TBC1D10B: variants seen among roughly 807,000 people sequenced by gnomAD.
TBC1D10B encodes the protein Rab27A-GAPbeta.
Under a neutral mutation model 78.4 loss-of-function variants are expected in TBC1D10B, and 25 were observed. The observed-to-expected ratio is 0.32, with a 90% CI of 0.23 to 0.45. The LOEUF (loss-of-function observed/expected upper bound fraction) is 0.45, where lower values mean the gene tolerates loss of function less well. TBC1D10B is among the 20% of genes least tolerant of loss of function. The pLI is 1.00. For missense variants in TBC1D10B, 996 were observed against 1,104.8 expected (o/e 0.90, Z 1.40); for synonymous variants, 517 against 478.0 (o/e 1.08, Z -1.06).
chr16:30,366,000 G>C lies in TBC1D10B; in HGVS notation c.957-406C>G. The C allele has an allele frequency of 4.6e-6, 1 of 216,026 alleles. No individual in the cohort carries two copies. Among genetic ancestry groups the C allele is most frequent in the Non-Finnish European group, 9.6e-6 (1 of 104,254 alleles). 13.4% of individuals were successfully genotyped at this position (216,026 alleles called of 1,614,324 possible). On this transcript the variant is annotated intron_variant, in intron 1 of 8. Coordinates refer to ENST00000409939, the MANE Select transcript of TBC1D10B (RefSeq NM_015527.4). The surrounding 1 kb of genome is among the most constrained non-coding windows in gnomAD (Gnocchi z 5.0). Reference sequence around the variant, plus strand: ...AGAAAGTAACAATATCTACCCGAAGGGGTTTATACGAAATAACACACAGCG... The same window carrying C: ...AGAAAGTAACAATATCTACCCGAAGCGGTTTATACGAAATAACACACAGCG...
At chr16:30,367,788 G>A (rs2049648291) in intron 1 of TBC1D10B, 1 of 152,230 alleles carries the variant, frequency 6.6e-6, no homozygotes, top group Admixed American at 6.5e-5. Flanking sequence ...GGACAGCAGC[G>A]AGCCACTGAA....
chr16:30,369,477 G>A lies in TBC1D10B; in HGVS notation c.707C>T (p.Ala236Val). 1 of 1,551,492 alleles carries A rather than the reference G, an allele frequency of 6.4e-7. No homozygotes were observed. Among genetic ancestry groups the A allele is most frequent in the Non-Finnish European group, 8.7e-7 (1 of 1,147,090 alleles). Residue 236 changes from alanine (A) to valine (V), a missense_variant, in exon 1 of 9, where the codon GCT becomes GTT. Ala to Val is a moderately conservative substitution (Grantham distance 64). This residue lies in a region of TBC1D10B where 448 missense variants were observed against 442.1 expected (regional missense o/e 1.01). Transcript: ENST00000409939. This position sits in a 1 kb window ranked among gnomAD's most constrained non-coding sequence, Gnocchi z 4.3. ...TTGAGAGTTTTCAGCAGGCTCCGGAGCTGGGGTCACGGTCACGACAGCTAC... is the reference window on the plus strand; with the variant it reads ...TTGAGAGTTTTCAGCAGGCTCCGGAACTGGGGTCACGGTCACGACAGCTAC... ...APVAVVTVTP[A>V]PEPAENSQDL...
Position 30,358,173 on chromosome 16 carries a change from TTCTCCTGTTTCTGCCGC to T in TBC1D10B, c.2181_2197del (p.Arg728GlyfsTer60). The T allele has an allele frequency of 6.4e-7, 1 of 1,551,968 alleles. No homozygotes were observed. The highest frequency in any genetic ancestry group is 8.7e-7 in the Non-Finnish European group (1 of 1,146,900). On this transcript the variant is annotated frameshift_variant, in exon 9 of 9. Transcript: ENST00000409939. LOFTEE classifies it high-confidence loss of function. Reference sequence around the variant, plus strand: ...CTCCTTCTCCTGTTTCTGCCGCTCCTTCTCCTGTTTCTGCCGCTCCTTCTCCTGCTTCCGGGTCTCCT... The same window carrying T: ...CTCCTTCTCCTGTTTCTGCCGCTCCTTCCTTCTCCTGCTTCCGGGTCTCCT...
chr16:30,364,825 T>C, intron 4 of TBC1D10B, 75 bp downstream of exon 4: 1 of 1,398,054 alleles, frequency 7.2e-7, no homozygotes, highest in Non-Finnish European at 9.8e-7. Flanking sequence ...CGACTCAGTC[T>C]TGTATCCACC....
chr16:30,361,700 C>CAG (rs372177827), intron 4 of TBC1D10B, among the ~76,000 whole-genome samples: 378 of 149,880 alleles, frequency 2.5e-3, no homozygotes, highest in African/African-American at 8.7e-3. Flanking sequence ...CCACCGCGCC[C>CAG]AGCCACAAAA....
chr16:30,363,977 T>C (rs2151101914), intron 4 of TBC1D10B, among the ~76,000 whole-genome samples: 1 of 151,144 alleles, frequency 6.6e-6, no homozygotes, highest in Middle Eastern at 3.5e-3. Context: ...ATTAGCCGGG[T>C]GTGGTGGCGC....
chr16:30,365,004 C>T lies in TBC1D10B; in HGVS notation c.1167G>A (p.Glu389=), dbSNP rs1191797544. ...TGGGGTCCCCAGGAGCCCGTTCCAG[C>T]TCCTGCAGTGGGACAGTGGGGATTA... ...LLEQNPGKFE[E]LERAPGDPKW... is the part of the protein sequence containing the mutation. The change falls in exon 4 of 9, where the codon GAG becomes GAA. Residue 389 remains glutamate, a splice_region_variant and synonymous_variant. Coordinates refer to ENST00000409939, the MANE Select transcript of TBC1D10B (RefSeq NM_015527.4). The surrounding 1 kb of genome is among the most constrained non-coding windows in gnomAD (Gnocchi z 5.0). 6.2e-7 allele frequency: 1 copy of T among 1,613,374 alleles called. No individual in the cohort carries two copies. Among genetic ancestry groups the T allele is most frequent in the Admixed American group, 1.7e-5 (1 of 59,896 alleles).
chr16:30,369,893 C>A lies in TBC1D10B; in HGVS notation c.291G>T (p.Ser97=). 1 of 1,387,174 alleles carries A rather than the reference C, an allele frequency of 7.2e-7. No homozygotes were observed. The highest frequency in any genetic ancestry group is 9.3e-7 in the Non-Finnish European group (1 of 1,073,916). The allele number at this position is 1,387,174 out of a possible 1,614,324, so 85.9% of individuals were successfully genotyped here. A position where few individuals can be genotyped will look rare whatever the true frequency, so the allele number is the denominator to read the frequency against. Residue 97 remains serine, a synonymous_variant, in exon 1 of 9, where the codon TCG becomes TCT. Coordinates refer to ENST00000409939, the MANE Select transcript of TBC1D10B (RefSeq NM_015527.4). The surrounding 1 kb of genome is among the most constrained non-coding windows in gnomAD (Gnocchi z 4.3). ...STVVVLTLEA[S]PEAPKPQLPS... ...GGAGCTGCGGCTTTGGGGCTTCGGGCGAGGCCTCCAGGGTCAGCACCACCA... is the reference window on the plus strand; with the variant it reads ...GGAGCTGCGGCTTTGGGGCTTCGGGAGAGGCCTCCAGGGTCAGCACCACCA...
chr16:30,358,130 C>T lies in TBC1D10B; in HGVS notation c.2241G>A (p.Gln747=), dbSNP rs1285773195. ...KQEKEREKER[Q]KQEKEREKQE... is the part of the protein sequence containing the mutation. The stretch of plus-strand genomic sequence containing the variant: ...GCTTCTCTCGCTCTTTCTCCTGCTT[C>T]TGCCGCTCCTTCTCCCGCTCCTTCT... Residue 747 remains glutamine (Q), a synonymous_variant, in exon 9 of 9, where the codon CAG becomes CAA. Transcript: ENST00000409939. The T allele has an allele frequency of 6.4e-7, 1 of 1,551,606 alleles. No homozygotes were observed. The highest frequency in any genetic ancestry group is 2.0e-5 in the Admixed American group (1 of 50,966).
rs973274909 is a variant in TBC1D10B at position 30,357,826 on chromosome 16, A to G, written c.*118T>C. ...CAGCTGGCGAGGAGATGGGGAACCA[A>G]GCCACTTTCCCCAGCAAGGGACAGC... On this transcript the variant is annotated 3_prime_UTR_variant, in exon 9 of 9. Coordinates refer to ENST00000409939, the MANE Select transcript of TBC1D10B (RefSeq NM_015527.4). 2.9e-6 allele frequency: 4 copies of G among 1,382,446 alleles called. No individual in the cohort carries two copies. The Admixed American group carries it at 8.3e-5, about 29-fold the overall frequency. 85.6% of individuals were successfully genotyped at this position (1,382,446 alleles called of 1,614,324 possible).
chr16:30,358,550 T>G lies in TBC1D10B; in HGVS notation c.1821A>C (p.Glu607Asp). Residue 607 changes from glutamate to aspartate, a missense_variant, in exon 9 of 9, where the codon GAA becomes GAC. By Grantham distance (45) the Glu-to-Asp change is conservative. Transcript: ENST00000409939. ...VHEVTNLPVT[E>D]ALIERENAAQ... is the part of the protein sequence containing the mutation. ...CTGCATTCTCCCGCTCAATCAGTGC[T>G]TCTGTCACCGGCAGATTGGTCACCT... is the stretch of plus-strand genomic sequence containing the variant. 1 of 1,603,324 alleles carries G rather than the reference T, an allele frequency of 6.2e-7. No individual in the cohort carries two copies. Among genetic ancestry groups the G allele is most frequent in the Non-Finnish European group, 8.5e-7 (1 of 1,171,668 alleles).
In TBC1D10B at chr16:30,359,832, G is replaced by T; in HGVS notation, c.1281C>A (p.Asp427Glu). The T allele has an allele frequency of 6.4e-7, 1 of 1,562,818 alleles. No individual in the cohort carries two copies. The highest frequency in any genetic ancestry group is 8.7e-7 in the Non-Finnish European group (1 of 1,153,250). Residue 427 changes from aspartate to glutamate, a missense_variant, in exon 5 of 9, where the codon GAC (aspartate) becomes GAA (glutamate). Coordinates refer to ENST00000409939, the MANE Select transcript of TBC1D10B (RefSeq NM_015527.4). The stretch of plus-strand genomic sequence containing the variant: ...TGTAGGCCTTCAGGATTCGGTACAG[G>T]TCCTGTTGCCTGTGGGGGTTGGGGA... ...FAARGGHGQQ[D>E]LYRILKAYTI...
intron 4 of TBC1D10B, 152 bp from the exon 5 acceptor site, chr16:30,359,993 C>T: frequency 1.4e-6 from 1 of 691,980 alleles, no homozygotes; most frequent in South Asian, 1.9e-5. Context: ...GCTCAGCCCA[C>T]AGCAGAGCAC....
In TBC1D10B at chr16:30,369,239, G is replaced by A. The variant is rs746066046; in HGVS notation, c.945C>T (p.Tyr315=). ...DKYGFLGGSQ[Y]SGSLESSIPV... is the part of the protein sequence containing the mutation. ...CCACTGGTACTCACAGGCTGCCCGA[G>A]TACTGGCTGCCCCCAAGGAAGCCAT... Residue 315 remains tyrosine, a synonymous_variant, in exon 1 of 9, where the codon TAC becomes TAT. Transcript: ENST00000409939. The surrounding 1 kb of genome is among the most constrained non-coding windows in gnomAD (Gnocchi z 4.3). The A allele has an allele frequency of 4.4e-6, 7 of 1,580,876 alleles. No homozygotes were observed. The highest frequency in any genetic ancestry group is 1.8e-5 in the Admixed American group (1 of 56,068).
In TBC1D10B at chr16:30,358,442, G is replaced by C. The variant is rs368427349; in HGVS notation, c.1929C>G (p.His643Gln). Residue 643 changes from histidine (H) to glutamine (Q), a missense_variant, in exon 9 of 9, where the codon CAC (histidine) becomes CAG (glutamine). His to Gln is a conservative substitution (Grantham distance 24). Transcript: ENST00000409939. ...SRRLHGSRAIHEERRRQQPPL... is the reference protein window; with the variant it reads ...SRRLHGSRAIQEERRRQQPPL... Reference sequence around the variant, plus strand: ...GTGGCTGTTGCCGCCGGCGCTCCTCGTGGATGGCCCGGGACCCATGCAGTC... The same window carrying C: ...GTGGCTGTTGCCGCCGGCGCTCCTCCTGGATGGCCCGGGACCCATGCAGTC... 5 of 1,589,340 alleles carry C rather than the reference G, an allele frequency of 3.1e-6. No individual in the cohort carries two copies. The South Asian group carries it at 4.6e-5, about 15-fold the overall frequency.
Position 30,369,181 on chromosome 16 carries a change from C to T in TBC1D10B, c.956+47G>A, listed in dbSNP as rs2049662745. 5.3e-6 allele frequency: 8 copies of T among 1,506,690 alleles called. No individual in the cohort carries two copies. Among genetic ancestry groups the T allele is most frequent in the Non-Finnish European group, 7.1e-6 (8 of 1,126,236 alleles). The allele number at this position is 1,506,690 out of a possible 1,614,324, so 93.3% of individuals were successfully genotyped here. ...TCGTTTTCGTTTCGCCCTCCCCCAA[C>T]CTTTGCTTCCCCGAGGCGGTCCCGC... On this transcript the variant is annotated intron_variant, in intron 1 of 8. Coordinates refer to ENST00000409939, the MANE Select transcript of TBC1D10B (RefSeq NM_015527.4). The surrounding 1 kb of genome is among the most constrained non-coding windows in gnomAD (Gnocchi z 4.3).
intron 4 of TBC1D10B, among the ~76,000 whole-genome samples, chr16:30,364,207 A>G (rs917398443): frequency 6.6e-6 from 1 of 152,006 alleles, no homozygotes; most frequent in Non-Finnish European, 1.5e-5. Context: ...TTGGGAGGTC[A>G]AGGCGGGCAG....
chr16:30,368,880 C>T lies in TBC1D10B; in HGVS notation c.956+348G>A, dbSNP rs547181513. Among the ~76,000 whole-genome samples, 324 of 152,302 alleles carry T rather than the reference C, an allele frequency of 2.1e-3. 4 individuals carry two copies. Among genetic ancestry groups the T allele is most frequent in the African/African-American group, 7.6e-3 (317 of 41,544 alleles). Reference sequence around the variant, plus strand: ...GAATATCCGGCCTGTAGCTGGAGTTCCCCATCAAAGAGCAGGGATGACCTC... The same window carrying T: ...GAATATCCGGCCTGTAGCTGGAGTTTCCCATCAAAGAGCAGGGATGACCTC... On this transcript the variant is annotated intron_variant, in intron 1 of 8. Transcript: ENST00000409939.
chr16:30,366,846 G>A (rs1457531984), intron 1 of TBC1D10B: 2 of 152,112 alleles, frequency 1.3e-5, no homozygotes, highest in Non-Finnish European at 2.9e-5. Flanking sequence ...GAGACAATAG[G>A]GAGCTTTGTC....
Sources: gnomAD v4.1 joint callset for allele counts (sites outside exome capture counted in the v4.1 genomes callset) on GRCh38, gnomAD v4.1.1 for gene constraint, gnomAD v4.1.1 regional missense constraint, Gnocchi (gnomAD v3.1) non-coding constraint, MANE v1.5 for transcripts, NCBI Gene and HGNC (gene_info 2026-07-23, HGNC 2026-07-21) for gene names.